The following AGTPBP1 variants were observed in gnomAD, a reference collection of about 807,000 sequenced individuals.
The protein encoded by AGTPBP1 is cytosolic carboxypeptidase 1.
In AGTPBP1, 70 loss-of-function variants were observed where a neutral mutation model predicts 143.9. The ratio of observed to expected loss-of-function variants is 0.49; its 90% CI spans 0.40 to 0.59. The LOEUF is 0.59. AGTPBP1 is among the 20% of genes least tolerant of loss of function. The pLI, the probability that AGTPBP1 is intolerant of heterozygous loss-of-function variation, is 0.00. For missense variants in AGTPBP1, 1,229 were observed against 1,464.5 expected (o/e 0.84, Z 2.62); for synonymous variants, 463 against 500.2 (o/e 0.93, Z 0.99).
intron 6 of AGTPBP1, among the ~76,000 whole-genome samples, chr9:85,675,521 C>T (rs556870909): frequency 1.5e-4 from 23 of 152,296 alleles, no homozygotes; most frequent in African/African-American, 5.3e-4. Flanking sequence ...ATTTTACCTC[C>T]ATGTTTTTCA....
rs533581615 is a variant in AGTPBP1, at chr9:85,620,209, C to T, written c.2100-908G>A. ...TCAGATGACCTGAGGTCAGGAAGTT[C>T]GAGACCATCCTGGCCAACATGGCAA... On this transcript the variant is annotated intron_variant, in intron 15 of 25. Coordinates refer to ENST00000357081, the MANE Select transcript of AGTPBP1 (RefSeq NM_001330701.2). Among the ~76,000 whole-genome samples the T allele has an allele frequency of 3.3e-5, 5 of 151,990 alleles. No homozygotes were observed. The South Asian group carries it at 1.0e-3, about 32-fold the overall frequency.
chr9:85,725,509 T>C (rs1277876535), intron 1 of AGTPBP1, among the ~76,000 whole-genome samples: 3 of 152,022 alleles, frequency 2.0e-5, no homozygotes, highest in Non-Finnish European at 4.4e-5. Flanking sequence ...AACATCAGCC[T>C]CTCCCTCTCA....
the AGTPBP1 span, among the ~76,000 whole-genome samples, chr9:85,747,749 G>A: frequency 6.6e-6 from 1 of 152,092 alleles, no homozygotes; most frequent in African/African-American, 2.4e-5. Context: ...GAGTATAGAA[G>A]TTAAGAGGGC....
Position 85,633,350 on chromosome 9 carries a change from G to A in AGTPBP1, c.1327C>T (p.Pro443Ser). ...FQDYDLISKE[P>S]KPFVFEGKVR... The stretch of plus-strand genomic sequence containing the variant: ...TTTCCCTCAAATACAAAAGGCTTTG[G>A]TTCTTTGGAGATTAAATCATAGTCC... Residue 443 changes from proline to serine, a missense_variant, in exon 14 of 26, where the codon CCA becomes TCA. Pro to Ser is a moderately conservative substitution (Grantham distance 74). Coordinates refer to ENST00000357081, the MANE Select transcript of AGTPBP1 (RefSeq NM_001330701.2). 1 of 1,577,784 alleles carries A rather than the reference G, an allele frequency of 6.3e-7. No homozygotes were observed. The highest frequency in any genetic ancestry group is 1.2e-5 in the South Asian group (1 of 84,246).
chr9:85,621,493 CCACG>C (rs1830932063), intron 14 of AGTPBP1, among the ~76,000 whole-genome samples: 1 of 150,806 alleles, frequency 6.6e-6, no homozygotes, highest in Admixed American at 6.6e-5. Context: ...TAGAAAATAT[CCACG>C]TAGAATACAG....
At chr9:85,673,062 A>T (rs920003492) in intron 6 of AGTPBP1, among the ~76,000 whole-genome samples, 2 of 152,178 alleles carry the variant, frequency 1.3e-5, no homozygotes, top group African/African-American at 4.8e-5. Flanking sequence ...TGAAATGATG[A>T]TATTATAAAT....
chr9:85,665,183 C>T (rs1176545319), intron 8 of AGTPBP1, among the ~76,000 whole-genome samples: 1 of 152,170 alleles, frequency 6.6e-6, no homozygotes, highest in African/African-American at 2.4e-5. Flanking sequence ...CAAGGTCATA[C>T]TGGAGTAGGT....
intron 17 of AGTPBP1, among the ~76,000 whole-genome samples, chr9:85,615,707 A>C (rs192664155): frequency 6.6e-6 from 1 of 152,098 alleles, no homozygotes; most frequent in Non-Finnish European, 1.5e-5. Flanking sequence ...CCCTTTCTAA[A>C]GTTTTTCCTT....
chr9:85,796,631 T>C, the AGTPBP1 span, among the ~76,000 whole-genome samples: 1 of 151,904 alleles, frequency 6.6e-6, no homozygotes, highest in Non-Finnish European at 1.5e-5. Context: ...CATCAAACAA[T>C]GCACAGTGAA....
At chr9:85,697,065 C>T (rs2134318459) in intron 2 of AGTPBP1, among the ~76,000 whole-genome samples, 1 of 152,256 alleles carries the variant, frequency 6.6e-6, no homozygotes, top group East Asian at 1.9e-4. Flanking sequence ...TTTTCCTCCA[C>T]CATAAATCAA....
chr9:85,610,619 T>C (rs1292324777), intron 17 of AGTPBP1, among the ~76,000 whole-genome samples: 4 of 151,898 alleles, frequency 2.6e-5, no homozygotes, highest in Non-Finnish European at 5.9e-5. Context: ...AACACTTAAA[T>C]AGTACCCCAA....
At chr9:85,624,682 T>C (rs747349073) in intron 14 of AGTPBP1, among the ~76,000 whole-genome samples, 84 of 152,358 alleles carry the variant, frequency 5.5e-4, no homozygotes, top group Non-Finnish European at 1.1e-3. Context: ...ATCTACTTTT[T>C]AATTTAAAAT....
At chr9:85,627,055 A>C (rs1268672952) in intron 14 of AGTPBP1, among the ~76,000 whole-genome samples, 1 of 152,212 alleles carries the variant, frequency 6.6e-6, no homozygotes, top group Admixed American at 6.5e-5. Flanking sequence ...CATTTTAAAG[A>C]TCACAAGCCT....
the AGTPBP1 span, among the ~76,000 whole-genome samples, chr9:85,794,326 AT>A: frequency 6.6e-6 from 1 of 152,144 alleles, no homozygotes; most frequent in Non-Finnish European, 1.5e-5. Flanking sequence ...TCAATTTTGA[AT>A]TAGTTTTTGT....
At chr9:85,794,089 ATTAGGGGTGCTT>A in the AGTPBP1 span, among the ~76,000 whole-genome samples, 1 of 152,160 alleles carries the variant, frequency 6.6e-6, no homozygotes, top group Admixed American at 6.5e-5. Context: ...GAAATAGAAA[ATTAGGGGTGCTT>A]TTTCAGATGG....
Position 85,596,462 on chromosome 9 carries a change from GA to G in AGTPBP1, c.2336-14del. 4.0e-6 allele frequency: 6 copies of G among 1,491,822 alleles called. No homozygotes were observed. Among genetic ancestry groups the G allele is most frequent in the Admixed American group, 2.2e-5 (1 of 46,266 alleles). The allele number at this position is 1,491,822 out of a possible 1,614,324, so 92.4% of individuals were successfully genotyped here. ...AGTGGTTGCATACCTTTGAAAGAGA[GA>G]AAAAAAGAGAGAAAATTATTTTCAT... On this transcript the variant is annotated splice_polypyrimidine_tract_variant and intron_variant, in intron 17 of 25. Transcript: ENST00000357081.
intron 1 of AGTPBP1, among the ~76,000 whole-genome samples, chr9:85,726,242 AC>A (rs1838484118): frequency 2.0e-5 from 3 of 150,238 alleles, no homozygotes; most frequent in South Asian, 2.1e-4. Flanking sequence ...AAAAAAAAAA[AC>A]AAAAAACAAA....
chr9:85,759,380 T>C, the AGTPBP1 span, among the ~76,000 whole-genome samples: 1 of 152,008 alleles, frequency 6.6e-6, no homozygotes, highest in African/African-American at 2.4e-5. Flanking sequence ...AGTAAAGCAC[T>C]CCTCAGCAAA....
At chr9:85,654,952 AC>A (rs1833404718) in intron 11 of AGTPBP1, among the ~76,000 whole-genome samples, 190 bp downstream of exon 11, 1 of 152,190 alleles carries the variant, frequency 6.6e-6, no homozygotes, top group South Asian at 2.1e-4. Context: ...CACATCCCAC[AC>A]CATTTCACTT....
Sources: allele counts gnomAD v4.1 joint callset (sites outside exome capture counted in the v4.1 genomes callset), GRCh38; gene constraint gnomAD v4.1.1; transcripts MANE v1.5; gene names NCBI Gene and HGNC (gene_info 2026-07-23, HGNC 2026-07-21).